The following WIPI1 variants were observed in gnomAD, a reference collection of about 807,000 sequenced individuals.
WIPI1 encodes the protein WD repeat domain, phosphoinositide interacting 1.
WIPI1 carries 45 observed loss-of-function variants against 55.3 expected under a neutral mutation model. The observed-to-expected ratio is 0.81, with a 90% CI of 0.64 to 1.04. The LOEUF (loss-of-function observed/expected upper bound fraction) is 1.04, where lower values mean the gene tolerates loss of function less well. WIPI1 is among the 50% of genes least tolerant of loss of function. The probability of loss-of-function intolerance (pLI) is 0.00; values close to 1 mark genes in which losing one functional copy is unlikely to be tolerated. For synonymous variants in WIPI1, 195 were observed against 217.6 expected, an observed-to-expected ratio of 0.90 and a Z score of 0.92; for missense variants, 445 against 559.0, an observed-to-expected ratio of 0.80 and a Z score of 2.06.
intron 9 of WIPI1, 136 bp from the exon 10 acceptor site, chr17:68,429,072 TG>T: frequency 1.5e-6 from 1 of 650,014 alleles, no homozygotes; most frequent in East Asian, 2.8e-5. Flanking sequence ...TGATCTGGTC[TG>T]GGCTTCTGGC....
rs2084477574 is a variant in WIPI1, at chr17:68,450,971, G to C, written c.164-74C>G. 10 of 1,531,448 alleles carry C rather than the reference G, an allele frequency of 6.5e-6. No individual in the cohort carries two copies. The South Asian group carries it at 1.3e-4, about 20-fold the overall frequency. 94.9% of individuals were successfully genotyped at this position (1,531,448 alleles called of 1,614,324 possible). A position where few individuals can be genotyped will look rare whatever the true frequency, so the allele number is the denominator to read the frequency against. ...AAGGATTCCAGCCTCCATGACACTG[G>C]GCCCGGCGCAGGCCAGGTTCCAAAG... On this transcript the variant is annotated intron_variant, in intron 2 of 12. Coordinates refer to ENST00000262139, the MANE Select transcript of WIPI1 (RefSeq NM_017983.7).
At chr17:68,450,706 C>G in intron 3 of WIPI1, 22 bp downstream of exon 3, 1 of 1,596,584 alleles carries the variant, frequency 6.3e-7, no homozygotes, top group Non-Finnish European at 8.5e-7. Context: ...GCTTTGAAAC[C>G]CTGAGGGATT....
At chr17:68,434,532 A>G (rs2083690101) in intron 7 of WIPI1, 24 bp downstream of exon 7, 1 of 1,612,836 alleles carries the variant, frequency 6.2e-7, no homozygotes, top group African/African-American at 1.3e-5. Context: ...GGACTTTAAA[A>G]TGGGTTTGAC....
At chr17:68,451,883 C>CT (rs1284528200) in intron 2 of WIPI1, among the ~76,000 whole-genome samples, 3 of 152,234 alleles carry the variant, frequency 2.0e-5, no homozygotes, top group Non-Finnish European at 4.4e-5. Flanking sequence ...TGAGCACATT[C>CT]TTTTCATATG....
At chr17:68,450,597 G>A in intron 3 of WIPI1, 131 bp downstream of exon 3, 1 of 1,235,346 alleles carries the variant, frequency 8.1e-7, no homozygotes, top group Non-Finnish European at 1.1e-6. Context: ...CCGGGACACG[G>A]GGCCTGAGTG....
Position 68,430,173 on chromosome 17 carries a change from G to C in WIPI1, c.801-13C>G. On this transcript the variant is annotated splice_polypyrimidine_tract_variant and intron_variant, in intron 8 of 12. Coordinates refer to ENST00000262139, the MANE Select transcript of WIPI1 (RefSeq NM_017983.7). ...CTCTTCTGGTCGACTAGGGAGTAATGCACAGGCAACGATGGGACTGGGCTG... is the reference window on the plus strand; with the variant it reads ...CTCTTCTGGTCGACTAGGGAGTAATCCACAGGCAACGATGGGACTGGGCTG... The C allele has an allele frequency of 6.2e-7, 1 of 1,607,528 alleles. No individual in the cohort carries two copies. Among genetic ancestry groups the C allele is most frequent in the Non-Finnish European group, 8.5e-7 (1 of 1,177,160 alleles).
intron 3 of WIPI1, among the ~76,000 whole-genome samples, chr17:68,444,895 T>C (rs1346738639): frequency 6.7e-6 from 1 of 150,154 alleles, no homozygotes; most frequent in Non-Finnish European, 1.5e-5. Context: ...CTTCTTTCCT[T>C]AGAACAGGGA....
chr17:68,450,944 A>G lies in WIPI1; in HGVS notation c.164-47T>C, dbSNP rs756300916. The G allele has an allele frequency of 2.2e-5, 34 of 1,576,304 alleles. 2 individuals carry two copies. The Admixed American group carries it at 5.8e-4, about 27-fold the overall frequency. The stretch of plus-strand genomic sequence containing the variant: ...AGGTTACATGGATTGATCACTTCCA[A>G]GAAGGATTCCAGCCTCCATGACACT... On this transcript the variant is annotated intron_variant, in intron 2 of 12. Transcript: ENST00000262139.
rs554506311 is a variant in WIPI1, at chr17:68,430,039, G to T, written c.922C>A (p.Arg308Ser). 1 of 1,614,192 alleles carries T rather than the reference G, an allele frequency of 6.2e-7. No homozygotes were observed. Among genetic ancestry groups the T allele is most frequent in the South Asian group, 1.1e-5 (1 of 91,084 alleles). Residue 308 changes from arginine to serine, a missense_variant, in exon 9 of 13, where the codon CGC (arginine) becomes AGC (serine). Arg to Ser is a moderately radical substitution (Grantham distance 110, BLOSUM62 -1). Transcript: ENST00000262139. ...TTCCTCTGTCCGGAGAAGTTCAAGCGTGCAGTGGCAAAAGCCCTGTCCTGA... is the reference window on the plus strand; with the variant it reads ...TTCCTCTGTCCGGAGAAGTTCAAGCTTGCAGTGGCAAAAGCCCTGTCCTGA... ...MHQDRAFATA[R>S]LNFSGQRNIC...
In WIPI1 at chr17:68,450,812, C is replaced by T; in HGVS notation, c.249G>A (p.Met83Ile). 6.2e-7 allele frequency: 1 copy of T among 1,614,188 alleles called. No individual in the cohort carries two copies. The highest frequency in any genetic ancestry group is 1.1e-5 in the South Asian group (1 of 91,086). Residue 83 changes from methionine to isoleucine, a missense_variant, in exon 3 of 13, where the codon ATG becomes ATA. Transcript: ENST00000262139. ...TGCCTTTCTTGAAGTGATACACGTT[C>T]ATCTGCCGTGGTTTTGTGTGACTGA... ...VVVSHTKPRQMNVYHFKKGTE... is the reference protein window; with the variant it reads ...VVVSHTKPRQINVYHFKKGTE...
Position 68,455,278 on chromosome 17 carries a change from G to T in WIPI1, c.80+2064C>A, listed in dbSNP as rs1237844894. On this transcript the variant is annotated intron_variant, in intron 1 of 12. Coordinates refer to ENST00000262139, the MANE Select transcript of WIPI1 (RefSeq NM_017983.7). ...CTTGAGAGGCTGAGACAGGAGAATC[G>T]CTTGAACCCTGGGAGGCAGAGGCTG... is the stretch of plus-strand genomic sequence containing the variant. Among the ~76,000 whole-genome samples, 3 of 149,534 alleles carry T rather than the reference G, an allele frequency of 2.0e-5. No individual in the cohort carries two copies. In the Admixed American group the frequency reaches 2.0e-4, roughly 10 times the overall value.
intron 12 of WIPI1, chr17:68,422,731 C>CAAAAAA (rs71142175): frequency 4.5e-5 from 3 of 66,428 alleles, no homozygotes; most frequent in Admixed American, 2.1e-4. Flanking sequence ...TCTATCATCT[C>CAAAAAA]AAAAAAAAAA....
At chr17:68,434,364 C>A (rs920064580) in intron 7 of WIPI1, among the ~76,000 whole-genome samples, 192 bp downstream of exon 7, 1 of 152,186 alleles carries the variant, frequency 6.6e-6, no homozygotes, top group African/African-American at 2.4e-5. Flanking sequence ...TGTGTTAAAA[C>A]AGCATCTCGG....
chr17:68,457,345 C>T lies in WIPI1; in HGVS notation c.77G>A (p.Cys26Tyr). 6.5e-7 allele frequency: 1 copy of T among 1,546,682 alleles called. No homozygotes were observed. Among genetic ancestry groups the T allele is most frequent in the Non-Finnish European group, 8.7e-7 (1 of 1,145,944 alleles). ...ALSCFSFNQD[C>Y]TSLATGTKAG... ...CAGGGGCCGAGTCGCAGCTTACGTG[C>T]AGTCCTGGTTGAAAGAGAAGCAGCT... The change falls in exon 1 of 13, where the codon TGC becomes TAC. Residue 26 changes from cysteine to tyrosine, a missense_variant. By Grantham distance (194) the Cys-to-Tyr change is radical. Coordinates refer to ENST00000262139, the MANE Select transcript of WIPI1 (RefSeq NM_017983.7).
At chr17:68,453,936 G>A (rs2084583051) in intron 1 of WIPI1, among the ~76,000 whole-genome samples, 1 of 152,114 alleles carries the variant, frequency 6.6e-6, no homozygotes, top group African/African-American at 2.4e-5. Context: ...TGGATTTGAA[G>A]TTCAAGTATT....
Position 68,433,523 on chromosome 17 carries a change from C to A in WIPI1, c.745G>T (p.Ala249Ser). 6.2e-7 allele frequency: 1 copy of A among 1,613,678 alleles called. No homozygotes were observed. Among genetic ancestry groups the A allele is most frequent in the Non-Finnish European group, 8.5e-7 (1 of 1,179,990 alleles). Reference sequence around the variant, plus strand: ...TGTACCGTCTCGGTGTTACTGGAGGCGCAGAGGAATTGTGAATCCATACTG... The same window carrying A: ...TGTACCGTCTCGGTGTTACTGGAGGAGCAGAGGAATTGTGAATCCATACTG... ...VFSMDSQFLC[A>S]SSNTETVHIF... The change falls in exon 8 of 13, where the codon GCC becomes TCC. Residue 249 changes from alanine to serine, a missense_variant. Coordinates refer to ENST00000262139, the MANE Select transcript of WIPI1 (RefSeq NM_017983.7).
chr17:68,422,549 G>A (rs1343013141), intron 12 of WIPI1: 7 of 151,926 alleles, frequency 4.6e-5, no homozygotes, highest in African/African-American at 1.7e-4. Flanking sequence ...TGGCCAACAT[G>A]GTGAAATCCT....
chr17:68,427,764 C>A (rs2083294280), intron 10 of WIPI1, among the ~76,000 whole-genome samples: 1 of 152,204 alleles, frequency 6.6e-6, no homozygotes, highest in Non-Finnish European at 1.5e-5. Flanking sequence ...TCCCAGTACA[C>A]ACAGGTGAGG....
chr17:68,426,186 A>C lies in WIPI1; in HGVS notation c.1193-11T>G, dbSNP rs771722089. On this transcript the variant is annotated splice_polypyrimidine_tract_variant and intron_variant, in intron 11 of 12. Coordinates refer to ENST00000262139, the MANE Select transcript of WIPI1 (RefSeq NM_017983.7). ...CGTCCTCAGAATAACCTGGAAACCA[A>C]GAAAGAGACATGAAACAAGCACTGG... The C allele has an allele frequency of 5.0e-5, 79 of 1,568,688 alleles. No individual in the cohort carries two copies. The South Asian group carries it at 8.6e-4, about 17-fold the overall frequency.
Sources: gnomAD v4.1 joint callset for allele counts (sites outside exome capture counted in the v4.1 genomes callset) on GRCh38, gnomAD v4.1.1 for gene constraint, MANE v1.5 for transcripts, NCBI Gene and HGNC (gene_info 2026-07-23, HGNC 2026-07-21) for gene names.